PARP8: variants seen among roughly 807,000 people sequenced by gnomAD.
PARP8 encodes protein mono-ADP-ribosyltransferase PARP8.
A neutral mutation model predicts 124.1 loss-of-function variants in PARP8; 51 were observed. The observed-to-expected ratio is 0.41, with a 90% CI of 0.33 to 0.52. The LOEUF (loss-of-function observed/expected upper bound fraction) is 0.52, where lower values mean the gene tolerates loss of function less well. Ranked by LOEUF, PARP8 falls within the 20% of genes least tolerant of loss-of-function variation. The pLI, the probability that PARP8 is intolerant of heterozygous loss-of-function variation, is 0.21. For synonymous variants in PARP8, 391 were observed against 361.5 expected (o/e 1.08, Z -0.93); for missense variants, 860 against 1,018.9 (o/e 0.84, Z 2.12).
intron 7 of PARP8, among the ~76,000 whole-genome samples, chr5:50,776,603 C>T (rs1189139202): frequency 1.3e-5 from 2 of 152,034 alleles, no homozygotes; most frequent in Admixed American, 6.6e-5. Flanking sequence ...AAAATGTGCT[C>T]AATGTTTTAA....
chr5:50,839,378 C>A (rs1747922537), intron 25 of PARP8, among the ~76,000 whole-genome samples: 2 of 151,918 alleles, frequency 1.3e-5, no homozygotes, highest in South Asian at 4.1e-4. Flanking sequence ...CATAAAAGAA[C>A]TTTACTCTTA....
intron 2 of PARP8, among the ~76,000 whole-genome samples, chr5:50,731,179 A>C (rs1418275008): frequency 6.6e-6 from 1 of 152,226 alleles, no homozygotes; most frequent in Non-Finnish European, 1.5e-5. Flanking sequence ...GGGATGTGCA[A>C]CTGGGTGATT....
intron 2 of PARP8, among the ~76,000 whole-genome samples, chr5:50,735,984 A>T (rs187451378): frequency 5.8e-4 from 74 of 126,576 alleles, no homozygotes; most frequent in African/African-American, 2.1e-3. Context: ...TAGTGAATGT[A>T]TTCTCATTTG....
At chr5:50,829,147 A>T (rs949297754) in intron 21 of PARP8, among the ~76,000 whole-genome samples, 2 of 152,180 alleles carry the variant, frequency 1.3e-5, no homozygotes, top group African/African-American at 4.8e-5. Context: ...CCTCCAGGAC[A>T]GTACTTGGTG....
chr5:50,826,929 T>C, intron 19 of PARP8, 126 bp downstream of exon 19: 5 of 1,347,446 alleles, frequency 3.7e-6, no homozygotes, highest in Non-Finnish European at 4.9e-6. Context: ...AGGTTAAATA[T>C]AATTCTTTAG....
chr5:50,783,085 A>G (rs1389934220), intron 9 of PARP8, among the ~76,000 whole-genome samples: 1 of 152,030 alleles, frequency 6.6e-6, no homozygotes, highest in East Asian at 1.9e-4. Context: ...AAGAGCTGCA[A>G]CCATGGAGAA....
chr5:50,826,210 A>G (rs577057552), intron 18 of PARP8, among the ~76,000 whole-genome samples: 5 of 152,216 alleles, frequency 3.3e-5, no homozygotes, highest in East Asian at 1.9e-4. Context: ...TTGTGTGCTT[A>G]TAGAGCAGTT....
At chr5:50,794,151 A>G (rs1742262975) in intron 10 of PARP8, 56 bp from the exon 11 acceptor site, 1 of 1,548,060 alleles carries the variant, frequency 6.5e-7, no homozygotes. Context: ...AAATACAGTA[A>G]CATTAATTGA....
At position 50,844,075 on chromosome 5, in the gene PARP8, A is replaced by T. The variant is rs996237766; in HGVS notation, c.*2007A>T. 3.3e-5 allele frequency: 5 copies of T among 151,778 alleles called. No individual in the cohort carries two copies. The highest frequency in any genetic ancestry group is 6.6e-5 in the Admixed American group (1 of 15,180). The allele number at this position is 151,778 out of a possible 1,614,324, so 9.4% of individuals were successfully genotyped here. A position where few individuals can be genotyped will look rare whatever the true frequency, so the allele number is the denominator to read the frequency against. ...GTAAAGAATATAGTATTGGAGTCTGAACTGGAACGGTAACTCGTAAGACTC... is the reference window on the plus strand; with the variant it reads ...GTAAAGAATATAGTATTGGAGTCTGTACTGGAACGGTAACTCGTAAGACTC... On this transcript the variant is annotated 3_prime_UTR_variant, in exon 26 of 26. Coordinates refer to ENST00000281631, the MANE Select transcript of PARP8 (RefSeq NM_024615.4).
intron 14 of PARP8, among the ~76,000 whole-genome samples, chr5:50,805,717 G>A (rs565394144): frequency 2.0e-5 from 3 of 152,082 alleles, no homozygotes; most frequent in African/African-American, 7.2e-5. Flanking sequence ...AACATGTCTT[G>A]TAGCCATTTA....
At chr5:50,836,793 C>T (rs1747636744) in intron 25 of PARP8, among the ~76,000 whole-genome samples, 1 of 152,024 alleles carries the variant, frequency 6.6e-6, no homozygotes, top group South Asian at 2.1e-4. Context: ...GATTGTTATC[C>T]ACTATTAGAT....
chr5:50,786,178 T>C (rs530821050), intron 9 of PARP8, among the ~76,000 whole-genome samples: 44 of 152,270 alleles, frequency 2.9e-4, no homozygotes, highest in Admixed American at 6.5e-4. Flanking sequence ...CTTCATTTTC[T>C]TTTTTCTTTT....
At chr5:50,691,390 A>G (rs776049494) in intron 2 of PARP8, among the ~76,000 whole-genome samples, 7 of 152,120 alleles carry the variant, frequency 4.6e-5, no homozygotes, top group Non-Finnish European at 8.8e-5. Context: ...GTCTCCTTAG[A>G]CGGGGTTAAT....
At position 50,815,969 on chromosome 5, in the gene PARP8, GCAATTCCAT is replaced by G. The variant is rs1280290675; in HGVS notation, c.1668+449_1668+457del. 4.0e-5 allele frequency among the ~76,000 whole-genome samples: 6 copies of G among 151,500 alleles called. No homozygotes were observed. In the East Asian group the frequency reaches 1.2e-3, roughly 29 times the overall value. On this transcript the variant is annotated intron_variant, in intron 15 of 25. Coordinates refer to ENST00000281631, the MANE Select transcript of PARP8 (RefSeq NM_024615.4). ...CAGTGTTTCAGAGATAGGAAGAAAA[GCAATTCCAT>G]CAAAATTTCCAGATTTTTTTTTTCC... is the stretch of plus-strand genomic sequence containing the variant.
At chr5:50,671,183 C>G (rs1749963395) in intron 2 of PARP8, among the ~76,000 whole-genome samples, 1 of 152,222 alleles carries the variant, frequency 6.6e-6, no homozygotes, top group Admixed American at 6.5e-5. Flanking sequence ...CTGTCTCTTT[C>G]TGTTTTACTG....
At chr5:50,813,429 T>C (rs899919640) in intron 14 of PARP8, among the ~76,000 whole-genome samples, 3 of 152,188 alleles carry the variant, frequency 2.0e-5, no homozygotes, top group African/African-American at 7.2e-5. Context: ...TTGTGATTTT[T>C]GCACATTGAT....
At position 50,844,634 on chromosome 5, in the gene PARP8, G is replaced by C. The variant is rs1748480824; in HGVS notation, c.*2566G>C. On this transcript the variant is annotated 3_prime_UTR_variant, in exon 26 of 26. Coordinates refer to ENST00000281631, the MANE Select transcript of PARP8 (RefSeq NM_024615.4). ...AATCTGTTCACCAATGCTTTGTAAT[G>C]GTTTTATTAATTGTGTAGCCATTGC... is the stretch of plus-strand genomic sequence containing the variant. The C allele has an allele frequency of 6.6e-6, 1 of 151,670 alleles. No individual in the cohort carries two copies. Among genetic ancestry groups the C allele is most frequent in the Non-Finnish European group, 1.5e-5 (1 of 67,760 alleles). 9.4% of individuals were successfully genotyped at this position (151,670 alleles called of 1,614,324 possible).
rs1580179383 is a variant in PARP8, at chr5:50,745,876, A to C, written c.147-4275A>C. Reference sequence around the variant, plus strand: ...CGGGAAAATGAATTCATATGGGGTCATAGTGTACATTTCCCCCCAGCTTGT... The same window carrying C: ...CGGGAAAATGAATTCATATGGGGTCCTAGTGTACATTTCCCCCCAGCTTGT... On this transcript the variant is annotated intron_variant, in intron 2 of 25. Coordinates refer to ENST00000281631, the MANE Select transcript of PARP8 (RefSeq NM_024615.4). 5.3e-5 allele frequency among the ~76,000 whole-genome samples: 8 copies of C among 152,322 alleles called. 1 individual carries two copies. In the Middle Eastern group the frequency reaches 0.027, roughly 518 times the overall value.
chr5:50,699,079 C>T (rs1450703494), intron 2 of PARP8, among the ~76,000 whole-genome samples: 3 of 152,204 alleles, frequency 2.0e-5, no homozygotes, highest in African/African-American at 7.2e-5. Context: ...TGATTGTCCA[C>T]TTGGAAAAGG....
Sources: gnomAD v4.1 joint callset for allele counts (sites outside exome capture counted in the v4.1 genomes callset) on GRCh38, gnomAD v4.1.1 for gene constraint, MANE v1.5 for transcripts, NCBI Gene and HGNC (gene_info 2026-07-23, HGNC 2026-07-21) for gene names.